IARS1: variants seen among roughly 807,000 people sequenced by gnomAD.
The protein encoded by IARS1 is isoleucyl-tRNA synthetase 1.
A neutral mutation model predicts 168.2 loss-of-function variants in IARS1; 124 were observed. That is an observed-to-expected ratio of 0.74 (90% CI 0.64 to 0.86). The LOEUF (loss-of-function observed/expected upper bound fraction) is 0.86. Among genes scored for constraint, IARS1 ranks in the 40% least tolerant of loss-of-function variants. The pLI is 0.00. For synonymous variants in IARS1, 532 were observed against 529.4 expected (o/e 1.00, Z -0.07); for missense variants, 1,452 against 1,515.8 (o/e 0.96, Z 0.70).
Position 92,268,271 on chromosome 9 carries a change from A to G in IARS1, c.1334T>C (p.Phe445Ser). ...WVPELVREKR[F>S]GNWLKDARDW... ...ACGTGCATCTTTCAGCCAATTTCCA[A>G]ATCGTTTTTCTCGTACCAACTCTGG... The change falls in exon 14 of 34, where the codon TTT becomes TCT. Residue 445 changes from phenylalanine to serine, a missense_variant. Transcript: ENST00000443024. 2.5e-6 allele frequency: 4 copies of G among 1,611,736 alleles called. No individual in the cohort carries two copies. Among genetic ancestry groups the G allele is most frequent in the Non-Finnish European group, 2.5e-6 (3 of 1,179,438 alleles).
Position 92,287,878 on chromosome 9 carries a change from T to C in IARS1, c.309A>G (p.Arg103=). 2 of 1,613,916 alleles carry C rather than the reference T, an allele frequency of 1.2e-6. No homozygotes were observed. Among genetic ancestry groups the C allele is most frequent in the Non-Finnish European group, 1.7e-6 (2 of 1,179,870 alleles). The part of the protein sequence containing the change: ...EYEIDKTLGI[R]GPEDVAKMGI... Reference sequence around the variant, plus strand: ...CCATTTTGGCCACATCCTCTGGTCCTCTGATTCCCAGTGTCTTATCAATTT... The same window carrying C: ...CCATTTTGGCCACATCCTCTGGTCCCCTGATTCCCAGTGTCTTATCAATTT... The change falls in exon 4 of 34, where the codon AGA becomes AGG. Residue 103 remains arginine (R), a synonymous_variant. Transcript: ENST00000443024.
At chr9:92,275,400 T>A (rs1167613226) in intron 9 of IARS1, among the ~76,000 whole-genome samples, 1 of 152,202 alleles carries the variant, frequency 6.6e-6, no homozygotes, top group South Asian at 2.1e-4. Flanking sequence ...TGGTTGCAAA[T>A]ACAATGTTAT....
At chr9:92,286,647 T>C (rs1227478857) in intron 4 of IARS1, 29 bp from the exon 5 acceptor site, 1 of 1,138,166 alleles carries the variant, frequency 8.8e-7, no homozygotes, top group Non-Finnish European at 1.3e-6. Context: ...AGAACAGTAT[T>C]AGACAATGAT....
intron 33 of IARS1, among the ~76,000 whole-genome samples, chr9:92,219,861 G>A (rs887803330): frequency 1.5e-4 from 22 of 151,028 alleles, no homozygotes; most frequent in Non-Finnish European, 7.4e-5. Flanking sequence ...TCAGTGTGGC[G>A]ATTCCTCAGG....
chr9:92,243,457 A>G, intron 27 of IARS1, 146 bp from the exon 28 acceptor site: 1 of 566,402 alleles, frequency 1.8e-6, no homozygotes, highest in South Asian at 2.0e-5. Flanking sequence ...AAATTAATCT[A>G]GTTTATCATT....
At chr9:92,241,052 A>C in intron 29 of IARS1, 91 bp from the exon 30 acceptor site, 1 of 734,486 alleles carries the variant, frequency 1.4e-6, no homozygotes, top group South Asian at 1.5e-5. Flanking sequence ...CTCAGTAACA[A>C]CAAGAGCTGT....
In IARS1 at chr9:92,290,088, T is replaced by C. The variant is rs1402406999; in HGVS notation, c.-7-662A>G. ...GGTTTGTAGCTAGAAGTAGAATTTC[T>C]GGGTCACATGATAATTCTGTATTTA... On this transcript the variant is annotated intron_variant, in intron 1 of 33. Transcript: ENST00000443024. 2.6e-5 allele frequency among the ~76,000 whole-genome samples: 4 copies of C among 152,246 alleles called. No individual in the cohort carries two copies. In the East Asian group the frequency reaches 7.7e-4, roughly 29 times the overall value.
chr9:92,244,465 C>A (rs1472602552), intron 27 of IARS1, among the ~76,000 whole-genome samples: 1 of 152,116 alleles, frequency 6.6e-6, no homozygotes, highest in Non-Finnish European at 1.5e-5. Flanking sequence ...GATGTCTGGT[C>A]AGGACTGCAA....
rs777429198 is a variant in IARS1, at chr9:92,210,896, T to C, written c.3707-7A>G. 6.3e-6 allele frequency: 10 copies of C among 1,578,080 alleles called. No individual in the cohort carries two copies. The Admixed American group carries it at 1.2e-4, about 18-fold the overall frequency. On this transcript the variant is annotated splice_region_variant and splice_polypyrimidine_tract_variant and intron_variant, in intron 33 of 33. Transcript: ENST00000443024. The stretch of plus-strand genomic sequence containing the variant: ...GGGATGTCTTCTGTAATTTCTAGAA[T>C]GGAAAGAAAAAGTTGAAAAAAAATC...
At chr9:92,258,192 GCT>G (rs914130914) in intron 19 of IARS1, among the ~76,000 whole-genome samples, 4 of 152,158 alleles carry the variant, frequency 2.6e-5, no homozygotes, top group African/African-American at 9.7e-5. Flanking sequence ...TTCACTGGGT[GCT>G]CTCTCTAAAA....
chr9:92,251,020 A>G, intron 22 of IARS1, 186 bp from the exon 23 acceptor site: 1 of 658,614 alleles, frequency 1.5e-6, no homozygotes, highest in East Asian at 3.1e-5. Flanking sequence ...TAGCTGCAGG[A>G]CTGTAGATAG....
At chr9:92,227,444 C>T (rs1825897895) in intron 31 of IARS1, among the ~76,000 whole-genome samples, 1 of 144,120 alleles carries the variant, frequency 6.9e-6, no homozygotes, top group Non-Finnish European at 1.5e-5. Context: ...GCTGACCCCC[C>T]CACCTCCCTC....
intron 15 of IARS1, 63 bp downstream of exon 15, chr9:92,265,417 T>C (rs1036777534): frequency 1.4e-6 from 2 of 1,417,438 alleles, no homozygotes; most frequent in Non-Finnish European, 2.0e-6. Flanking sequence ...TGTAATCTGC[T>C]AGAGACCAGG....
intron 30 of IARS1, 103 bp from the exon 31 acceptor site, chr9:92,229,229 T>C: frequency 2.6e-6 from 3 of 1,144,746 alleles, no homozygotes; most frequent in Middle Eastern, 2.2e-4. Context: ...GCCCTAATAT[T>C]TTTCCTTTTC....
chr9:92,222,736 G>A (rs1274340008), intron 32 of IARS1, 64 bp from the exon 33 acceptor site: 2 of 1,566,030 alleles, frequency 1.3e-6, no homozygotes, highest in Non-Finnish European at 1.7e-6. Flanking sequence ...CAAAAGAGGT[G>A]GCCACTGCGG....
intron 16 of IARS1, among the ~76,000 whole-genome samples, chr9:92,263,766 C>G (rs545901477): frequency 6.6e-6 from 1 of 152,284 alleles, no homozygotes; most frequent in Admixed American, 6.5e-5. Context: ...GAGGCAGGCA[C>G]CAAGGACACG....
At chr9:92,223,219 G>A in intron 32 of IARS1, 127 bp downstream of exon 32, 2 of 745,814 alleles carry the variant, frequency 2.7e-6, no homozygotes, top group Non-Finnish European at 3.9e-6. Flanking sequence ...GCTCCCCAAA[G>A]TTGCGTGAGA....
intron 6 of IARS1, among the ~76,000 whole-genome samples, chr9:92,281,821 T>G (rs1268809648): frequency 2.0e-5 from 3 of 152,114 alleles, no homozygotes; most frequent in African/African-American, 7.2e-5. Flanking sequence ...CAGACAAACT[T>G]GAAATAAGAG....
Position 92,293,635 on chromosome 9 carries a change from A to G in IARS1, c.-32T>C, listed in dbSNP as rs28365880. 3.2e-6 allele frequency: 1 copy of G among 312,700 alleles called. No homozygotes were observed. The highest frequency in any genetic ancestry group is 6.8e-6 in the Non-Finnish European group (1 of 146,202). 19.4% of individuals were successfully genotyped at this position (312,700 alleles called of 1,614,324 possible). A position where few individuals can be genotyped will look rare whatever the true frequency, so the allele number is the denominator to read the frequency against. On this transcript the variant is annotated 5_prime_UTR_variant, in exon 1 of 34. Transcript: ENST00000443024. ...CCTGAGGGGCCTCGCGTGCCTGGACAGCCCCGCGGGCCAGCAAGCCTAAAA... is the reference window on the plus strand; with the variant it reads ...CCTGAGGGGCCTCGCGTGCCTGGACGGCCCCGCGGGCCAGCAAGCCTAAAA...
Sources: allele counts gnomAD v4.1 joint callset (sites outside exome capture counted in the v4.1 genomes callset), GRCh38; gene constraint gnomAD v4.1.1; transcripts MANE v1.5; gene names NCBI Gene and HGNC (gene_info 2026-07-23, HGNC 2026-07-21).